NLRC5: variants seen among roughly 807,000 people sequenced by gnomAD.
NLRC5 encodes the protein NLR family CARD domain containing 5, also known as protein NLRC5.
A neutral mutation model predicts 206.9 loss-of-function variants in NLRC5; 114 were observed. The ratio of observed to expected loss-of-function variants is 0.55; its 90% CI spans 0.47 to 0.64. The LOEUF (loss-of-function observed/expected upper bound fraction) is 0.64. Ranked by LOEUF, NLRC5 falls within the 30% of genes least tolerant of loss-of-function variation. NLRC5 has a pLI of 0.00. For missense variants in NLRC5, 2,008 were observed against 2,305.5 expected, an observed-to-expected ratio of 0.87 and a Z score of 2.64; for synonymous variants, 952 against 962.8, an observed-to-expected ratio of 0.99 and a Z score of 0.21.
At chr16:56,993,621 A>C (rs1191926972) in intron 1 of NLRC5, among the ~76,000 whole-genome samples, 2 of 152,182 alleles carry the variant, frequency 1.3e-5, no homozygotes, top group African/African-American at 4.8e-5. Context: ...CATATTTGCA[A>C]ATCTGGGAGA....
At position 57,025,782 on chromosome 16, in the gene NLRC5, T is replaced by C. The variant is rs1181664142; in HGVS notation, c.839T>C (p.Leu280Pro). The change falls in exon 6 of 49, where the codon CTG becomes CCG. Residue 280 changes from leucine to proline, a missense_variant. Leu to Pro is a moderately conservative substitution (Grantham distance 98, BLOSUM62 -3). Transcript: ENST00000688547. ...ACACCGTCCGAGCTCCTTTTTGATC[T>C]GTACCTGAGCCCTGAATCGGACCAC... Reference protein sequence around the residue: ...FLTPSELLFDLYLSPESDHDT... With the variant: ...FLTPSELLFDPYLSPESDHDT... 2 of 1,614,128 alleles carry C rather than the reference T, an allele frequency of 1.2e-6. No homozygotes were observed. The highest frequency in any genetic ancestry group is 1.7e-6 in the Non-Finnish European group (2 of 1,180,044).
At chr16:57,078,867 G>C (rs1232291043) in intron 43 of NLRC5, among the ~76,000 whole-genome samples, 183 bp from the exon 44 acceptor site, 1 of 152,178 alleles carries the variant, frequency 6.6e-6, no homozygotes, top group Non-Finnish European at 1.5e-5. Context: ...AAGGACCCAG[G>C]TGTTGAATTT....
intron 20 of NLRC5, 82 bp from the exon 21 acceptor site, chr16:57,045,366 C>T (rs767278563): frequency 6.2e-6 from 9 of 1,445,358 alleles, no homozygotes; most frequent in Non-Finnish European, 8.7e-6. Flanking sequence ...CCCTCCTTGC[C>T]CTGACCAGTC....
rs544882810 is a variant in NLRC5, at chr16:57,026,658, C to G, written c.1715C>G (p.Thr572Ser). 6.2e-7 allele frequency: 1 copy of G among 1,614,164 alleles called. No individual in the cohort carries two copies. Among genetic ancestry groups the G allele is most frequent in the Non-Finnish European group, 8.5e-7 (1 of 1,180,014 alleles). Reference sequence around the variant, plus strand: ...TTCCTGGCGGGCCTGGCATCCTGCACCTGCCGCCCCTTCCTTAGCCACCTG... The same window carrying G: ...TTCCTGGCGGGCCTGGCATCCTGCAGCTGCCGCCCCTTCCTTAGCCACCTG... ...PTFLAGLASC[T>S]CRPFLSHLAQ... is the part of the protein sequence containing the mutation. The change falls in exon 6 of 49, where the codon ACC becomes AGC. Residue 572 changes from threonine (T) to serine (S), a missense_variant. Physicochemically the swap from Thr to Ser is moderately conservative, Grantham distance 58. Transcript: ENST00000688547.
In NLRC5 at chr16:57,040,635, G is replaced by C. The variant is rs762168185; in HGVS notation, c.2871-15G>C. ...ATGGCCTTTGCTCAGCCTGGCCTTG[G>C]TGATGTCCCTCCAGGGCTGCATTTC... is the stretch of plus-strand genomic sequence containing the variant. On this transcript the variant is annotated splice_polypyrimidine_tract_variant and intron_variant, in intron 16 of 48. Transcript: ENST00000688547. The C allele has an allele frequency of 6.2e-7, 1 of 1,613,932 alleles. No individual in the cohort carries two copies. Among genetic ancestry groups the C allele is most frequent in the Non-Finnish European group, 8.5e-7 (1 of 1,179,790 alleles).
rs375722905 is a variant in NLRC5 at position 57,020,786 on chromosome 16, C to T, written c.74C>T (p.Pro25Leu). Residue 25 changes from proline (P) to leucine (L), a missense_variant, in exon 3 of 49, where the codon CCA (proline) becomes CTA (leucine). By Grantham distance (98) the Pro-to-Leu change is moderately conservative (BLOSUM62 -3). Coordinates refer to ENST00000688547, the MANE Select transcript of NLRC5 (RefSeq NM_001384950.1). ...SCLVRLLTKD[P>L]EWLNAKMKFF... is the part of the protein sequence containing the mutation. ...CTTGTGAGGCTGCTCACCAAAGACC[C>T]AGAATGGCTGAACGCCAAGATGAAG... 1.2e-5 allele frequency: 20 copies of T among 1,613,028 alleles called. No homozygotes were observed. The African/African-American group carries it at 2.4e-4, about 19-fold the overall frequency.
chr16:57,079,575 C>T lies in NLRC5; in HGVS notation c.5267C>T (p.Thr1756Ile). The change falls in exon 46 of 49, where the codon ACT (threonine) becomes ATT (isoleucine). Residue 1756 changes from threonine to isoleucine, a missense_variant. Transcript: ENST00000688547. The part of the protein sequence containing the change: ...DLVSCKIDNQ[T>I]AKLLTSSFTS... ...GTTTCCTGTAAGATTGACAACCAGA[C>T]TGCCAAGCTCCTCACCTCCAGCTTC... is the stretch of plus-strand genomic sequence containing the variant. The T allele has an allele frequency of 1.2e-6, 2 of 1,614,164 alleles. No homozygotes were observed. Among genetic ancestry groups the T allele is most frequent in the Middle Eastern group, 1.6e-4 (1 of 6,062 alleles).
chr16:57,055,487 G>A lies in NLRC5; in HGVS notation c.3714G>A (p.Leu1238=), dbSNP rs144081659. Residue 1238 remains leucine (L), a synonymous_variant, in exon 27 of 49, where the codon TTG becomes TTA. Coordinates refer to ENST00000688547, the MANE Select transcript of NLRC5 (RefSeq NM_001384950.1). ...AGCACGTAGAGTCACTCTGCTGGTTGCTGAGCAAGTGTAAAGACCTCAGCC... is the reference window on the plus strand; with the variant it reads ...AGCACGTAGAGTCACTCTGCTGGTTACTGAGCAAGTGTAAAGACCTCAGCC... ...SQEHVESLCW[L]LSKCKDLSQV... 6.4e-5 allele frequency: 103 copies of A among 1,614,012 alleles called. No individual in the cohort carries two copies. In the African/African-American group the frequency reaches 1.2e-3, roughly 19 times the overall value.
At chr16:57,015,645 A>T (rs185307787) in intron 1 of NLRC5, among the ~76,000 whole-genome samples, 1 of 151,590 alleles carries the variant, frequency 6.6e-6, no homozygotes. Flanking sequence ...TAAAGGAAAG[A>T]GGCTGGGCAC....
Position 57,028,113 on chromosome 16 carries a change from T to A in NLRC5, c.2117T>A (p.Leu706His), listed in dbSNP as rs1294272444. Residue 706 changes from leucine (L) to histidine (H), a missense_variant, in exon 7 of 49, where the codon CTC (leucine) becomes CAC (histidine). Coordinates refer to ENST00000688547, the MANE Select transcript of NLRC5 (RefSeq NM_001384950.1). ...RKCGDAFAEALSRSLPTMGRL... is the reference protein window; with the variant it reads ...RKCGDAFAEAHSRSLPTMGRL... ...TGTGGGGATGCCTTTGCAGAAGCCC[T>A]CTCCAGGAGCTTGCCGACAATGGGG... 1 of 1,613,730 alleles carries A rather than the reference T, an allele frequency of 6.2e-7. No individual in the cohort carries two copies.
chr16:57,055,536 G>C lies in NLRC5; in HGVS notation c.3746+17G>C, dbSNP rs1421829196. The C allele has an allele frequency of 6.2e-7, 1 of 1,606,926 alleles. No individual in the cohort carries two copies. The highest frequency in any genetic ancestry group is 1.3e-5 in the African/African-American group (1 of 74,808). On this transcript the variant is annotated intron_variant, in intron 27 of 48. Coordinates refer to ENST00000688547, the MANE Select transcript of NLRC5 (RefSeq NM_001384950.1). ...CCAGGTGGAGTAAGTTGAGGGAGGA[G>C]GAGGAAGGAGAGGAGCATGGACGCA...
intron 2 of NLRC5, among the ~76,000 whole-genome samples, chr16:57,018,898 G>T (rs1400464062): frequency 6.6e-6 from 1 of 152,140 alleles, no homozygotes; most frequent in East Asian, 1.9e-4. Context: ...GGACATTTAG[G>T]TTGTTTCCAA....
rs532777158 is a variant in NLRC5, at chr16:57,051,768, G to C, written c.3506+147G>C. ...CTCTACCCGCTCCATTCTTTCCTTA[G>C]GTTGTTTTATCATTTTACCTGGCAC... On this transcript the variant is annotated intron_variant, in intron 24 of 48. Transcript: ENST00000688547. 242 of 604,778 alleles carry C rather than the reference G, an allele frequency of 4.0e-4. 1 individual carries two copies. In the African/African-American group the frequency reaches 4.6e-3, roughly 11 times the overall value. The allele number at this position is 604,778 out of a possible 1,614,324, so 37.5% of individuals were successfully genotyped here. A position where few individuals can be genotyped will look rare whatever the true frequency, so the allele number is the denominator to read the frequency against.
chr16:57,078,044 A>G lies in NLRC5; in HGVS notation c.5081+24A>G, dbSNP rs763078595. The G allele has an allele frequency of 4.5e-6, 7 of 1,548,396 alleles. No homozygotes were observed. The East Asian group carries it at 9.1e-5, about 20-fold the overall frequency. ...CAGTGAGTGGCCCCCTGCCCATACCATGCAGGGCTGGTGGGGAGGAGGGTC... is the reference window on the plus strand; with the variant it reads ...CAGTGAGTGGCCCCCTGCCCATACCGTGCAGGGCTGGTGGGGAGGAGGGTC... On this transcript the variant is annotated intron_variant, in intron 43 of 48. Transcript: ENST00000688547.
chr16:57,008,530 C>G (rs1049499347), intron 1 of NLRC5, among the ~76,000 whole-genome samples: 36 of 72,958 alleles, frequency 4.9e-4, no homozygotes, highest in South Asian at 1.8e-3. Flanking sequence ...ATATACCAAG[C>G]AAGAAAAAAT....
At chr16:57,074,067 A>C (rs1291288201) in intron 38 of NLRC5, 1 of 156,900 alleles carries the variant, frequency 6.4e-6, no homozygotes, top group Non-Finnish European at 1.4e-5. Flanking sequence ...ACACTCTACA[A>C]GTGCTAGCTA....
chr16:57,034,304 G>C, intron 13 of NLRC5, 53 bp downstream of exon 13: 1 of 1,464,378 alleles, frequency 6.8e-7, no homozygotes, highest in South Asian at 1.2e-5. Context: ...GGTTGGAGAG[G>C]GTGGGCAGGG....
At chr16:57,053,174 G>C (rs1322860725) in intron 24 of NLRC5, 3 of 152,258 alleles carry the variant, frequency 2.0e-5, no homozygotes, top group African/African-American at 7.2e-5. Flanking sequence ...ATGTGGTGAA[G>C]AGTGGCTGGA....
chr16:57,018,793 A>G (rs2060354423), intron 2 of NLRC5, among the ~76,000 whole-genome samples: 1 of 152,238 alleles, frequency 6.6e-6, no homozygotes, highest in Admixed American at 6.5e-5. Context: ...TACTGCTATG[A>G]GGAAGGACAT....
Sources: allele counts gnomAD v4.1 joint callset (sites outside exome capture counted in the v4.1 genomes callset), GRCh38; gene constraint gnomAD v4.1.1; transcripts MANE v1.5; gene names NCBI Gene and HGNC (gene_info 2026-07-23, HGNC 2026-07-21).